Variants in POU6F2 observed in about 807,000 individuals in gnomAD.
POU6F2 encodes the protein POU class 6 homeobox 2.
In POU6F2, 31 loss-of-function variants were observed where a neutral mutation model predicts 71.3. That is an observed-to-expected ratio of 0.43 (90% confidence interval 0.33 to 0.59). The LOEUF (loss-of-function observed/expected upper bound fraction) is 0.59, where lower values mean the gene tolerates loss of function less well. POU6F2 is among the 20% of genes least tolerant of loss of function. POU6F2 has a pLI of 0.04. For missense variants in POU6F2, 783 were observed against 856.8 expected (o/e 0.91, Z 1.07); for synonymous variants, 347 against 355.7 (o/e 0.98, Z 0.27).
chr7:39,362,317 T>C (rs1786406292), intron 5 of POU6F2, among the ~76,000 whole-genome samples: 1 of 150,108 alleles, frequency 6.7e-6, no homozygotes, highest in Non-Finnish European at 1.5e-5. Context: ...GGAAATGCAA[T>C]TTTTTATTCT....
intron 4 of POU6F2, among the ~76,000 whole-genome samples, chr7:39,226,319 A>G (rs2128749242): frequency 6.6e-6 from 1 of 152,344 alleles, no homozygotes; most frequent in South Asian, 2.1e-4. Context: ...GATTGCCTAC[A>G]ATATAGGATT....
rs536935362 is a variant in POU6F2, at chr7:39,125,354, G to C, written c.277+39323G>C. 1.2e-4 allele frequency among the ~76,000 whole-genome samples: 19 copies of C among 152,160 alleles called. No homozygotes were observed. In the South Asian group the frequency reaches 3.7e-3, roughly 30 times the overall value. On this transcript the variant is annotated intron_variant, in intron 2 of 9. Coordinates refer to ENST00000518318, the MANE Select transcript of POU6F2 (RefSeq NM_001370959.1). Reference sequence around the variant, plus strand: ...GATTCTCTGCTTTGATTATTCCATTGTGGGTCCCCAGTTATATTTTAGTGT... The same window carrying C: ...GATTCTCTGCTTTGATTATTCCATTCTGGGTCCCCAGTTATATTTTAGTGT...
chr7:39,056,819 T>A (rs754580521), intron 1 of POU6F2, among the ~76,000 whole-genome samples: 1 of 152,050 alleles, frequency 6.6e-6, no homozygotes, highest in Non-Finnish European at 1.5e-5. Context: ...CCAAGTCAAC[T>A]GAGATCAGCA....
chr7:39,464,742 G>T lies in POU6F2; in HGVS notation c.*56G>T. 1 of 1,501,786 alleles carries T rather than the reference G, an allele frequency of 6.7e-7. No individual in the cohort carries two copies. Among genetic ancestry groups the T allele is most frequent in the Non-Finnish European group, 8.9e-7 (1 of 1,125,174 alleles). The allele number at this position is 1,501,786 out of a possible 1,614,324, so 93.0% of individuals were successfully genotyped here. On this transcript the variant is annotated 3_prime_UTR_variant, in exon 10 of 10. Coordinates refer to ENST00000518318, the MANE Select transcript of POU6F2 (RefSeq NM_001370959.1). This position sits in a 1 kb window ranked among gnomAD's most constrained non-coding sequence, Gnocchi z 4.1. ...TTCACAGAAACTAAACTCCACCCTT[G>T]GGACTCCACAACAACAACAACAACA... is the stretch of plus-strand genomic sequence containing the variant.
chr7:38,980,162 A>C (rs2116582744), intron 1 of POU6F2, among the ~76,000 whole-genome samples: 2 of 152,306 alleles, frequency 1.3e-5, no homozygotes, highest in Middle Eastern at 6.8e-3. Flanking sequence ...AGTTGCATCA[A>C]AGTAGTCACA....
chr7:39,402,664 T>G (rs1487182633), intron 5 of POU6F2, among the ~76,000 whole-genome samples: 1 of 152,112 alleles, frequency 6.6e-6, no homozygotes, highest in African/African-American at 2.4e-5. Context: ...GCTAATCCCA[T>G]CAAATAGGAC....
At chr7:39,262,902 T>G (rs769679101) in intron 4 of POU6F2, among the ~76,000 whole-genome samples, 1 of 152,072 alleles carries the variant, frequency 6.6e-6, no homozygotes, top group Non-Finnish European at 1.5e-5. Flanking sequence ...ACAACAAGAG[T>G]GCTATTGCTC....
chr7:39,376,490 A>G (rs947874120), intron 5 of POU6F2, among the ~76,000 whole-genome samples: 3 of 152,166 alleles, frequency 2.0e-5, no homozygotes, highest in African/African-American at 7.2e-5. Context: ...TGGCTCCATC[A>G]CCAACTCAGT....
rs1427100889 is a variant in POU6F2, at chr7:39,373,987, TA to T, written c.973-32608del. Among the ~76,000 whole-genome samples, 3 of 152,218 alleles carry T rather than the reference TA, an allele frequency of 2.0e-5. No homozygotes were observed. The East Asian group carries it at 5.8e-4, about 29-fold the overall frequency. ...CCCTTTAAATATTGAACTTGGACTA[TA>T]AAAATATCACTTCTTATTGATCACA... is the stretch of plus-strand genomic sequence containing the variant. On this transcript the variant is annotated intron_variant, in intron 5 of 9. Transcript: ENST00000518318.
chr7:39,291,766 A>C (rs1272741948), intron 4 of POU6F2, among the ~76,000 whole-genome samples: 2 of 152,296 alleles, frequency 1.3e-5, no homozygotes, highest in East Asian at 3.9e-4. Context: ...ATGAGGAAGG[A>C]GTTGCAATTT....
intron 4 of POU6F2, among the ~76,000 whole-genome samples, chr7:39,321,980 GAAGT>G (rs1285945203): frequency 3.3e-5 from 5 of 152,098 alleles, no homozygotes; most frequent in Non-Finnish European, 7.4e-5. Flanking sequence ...GAGCCTTCAT[GAAGT>G]AAGTACCTTA....
chr7:39,111,781 CA>C (rs1234055803), intron 2 of POU6F2, among the ~76,000 whole-genome samples: 2 of 151,968 alleles, frequency 1.3e-5, no homozygotes, highest in East Asian at 3.9e-4. Flanking sequence ...AACAATGAAA[CA>C]GTCAACCTGC....
chr7:39,387,671 T>G (rs532605859), intron 5 of POU6F2, among the ~76,000 whole-genome samples: 2 of 152,346 alleles, frequency 1.3e-5, no homozygotes, highest in African/African-American at 4.8e-5. Context: ...TTTGTCCATT[T>G]GGATACAGGA....
At chr7:39,203,062 T>C (rs1793940185) in intron 2 of POU6F2, among the ~76,000 whole-genome samples, 1 of 152,256 alleles carries the variant, frequency 6.6e-6, no homozygotes, top group Admixed American at 6.5e-5. Flanking sequence ...TAGAAGTCAA[T>C]TGAATAATAT....
At chr7:39,207,702 A>G (rs1794050925) in intron 4 of POU6F2, 82 bp downstream of exon 4, 3 of 1,326,486 alleles carry the variant, frequency 2.3e-6, no homozygotes, top group Non-Finnish European at 3.1e-6. Context: ...AAATGTGCCT[A>G]GAATGGTGAA....
At chr7:39,292,426 A>G (rs1195834770) in intron 4 of POU6F2, among the ~76,000 whole-genome samples, 30 of 152,224 alleles carry the variant, frequency 2.0e-4, no homozygotes, top group Admixed American at 2.0e-3. Context: ...TATCTGTTCA[A>G]GGCACCAATG....
intron 4 of POU6F2, among the ~76,000 whole-genome samples, chr7:39,330,856 T>C (rs924886424): frequency 2.6e-5 from 4 of 152,350 alleles, no homozygotes; most frequent in African/African-American, 7.2e-5. Flanking sequence ...GTCACCCTAC[T>C]GTGCAACAGA....
intron 4 of POU6F2, among the ~76,000 whole-genome samples, chr7:39,237,293 C>G (rs1794692520): frequency 6.6e-6 from 1 of 152,192 alleles, no homozygotes; most frequent in African/African-American, 2.4e-5. Context: ...ATTTCAGTAA[C>G]TTTTCCTCTA....
rs549945769 is a variant in POU6F2 at position 39,078,850 on chromosome 7, G to A, written c.106-7010G>A. 3.3e-5 allele frequency among the ~76,000 whole-genome samples: 5 copies of A among 152,232 alleles called. No homozygotes were observed. In the East Asian group the frequency reaches 9.7e-4, roughly 29 times the overall value. ...GAGGGGCAACATGCCTGGCTACTGGGAAATGAGTGCCTTGGTTCTAAAGGC... is the reference window on the plus strand; with the variant it reads ...GAGGGGCAACATGCCTGGCTACTGGAAAATGAGTGCCTTGGTTCTAAAGGC... On this transcript the variant is annotated intron_variant, in intron 1 of 9. Transcript: ENST00000518318.
Sources: gnomAD v4.1 joint callset for allele counts (sites outside exome capture counted in the v4.1 genomes callset) on GRCh38, gnomAD v4.1.1 for gene constraint, Gnocchi (gnomAD v3.1) non-coding constraint, MANE v1.5 for transcripts, NCBI Gene and HGNC (gene_info 2026-07-23, HGNC 2026-07-21) for gene names.